POU2F1: variants seen among roughly 807,000 people sequenced by gnomAD.
POU2F1 encodes the protein POU class 2 homeobox 1, also known as POU domain, class 2, transcription factor 1.
A neutral mutation model predicts 84.9 loss-of-function variants in POU2F1; 16 were observed. The ratio of observed to expected loss-of-function variants is 0.19; its 90% CI spans 0.13 to 0.29. The LOEUF is 0.29. Among genes scored for constraint, POU2F1 ranks in the 10% least tolerant of loss-of-function variants. The probability of loss-of-function intolerance (pLI) is 1.00; values close to 1 mark genes in which losing one functional copy is unlikely to be tolerated. For missense variants in POU2F1, 738 were observed against 942.6 expected, an observed-to-expected ratio of 0.78 and a Z score of 2.84; for synonymous variants, 368 against 368.3, an observed-to-expected ratio of 1.00 and a Z score of 0.01.
chr1:167,370,361 A>G, intron 4 of POU2F1, 147 bp downstream of exon 4: 2 of 661,216 alleles, frequency 3.0e-6, no homozygotes, highest in Non-Finnish European at 4.7e-6. Context: ...AAATAATGAT[A>G]ATTATTACCA....
At chr1:167,324,674 G>A (rs979289911) in intron 1 of POU2F1, among the ~76,000 whole-genome samples, 12 of 151,914 alleles carry the variant, frequency 7.9e-5, no homozygotes, top group African/African-American at 2.2e-4. Context: ...ACCATACCTC[G>A]GCTCTCTGTT....
intron 2 of POU2F1, chr1:167,338,267 A>G (rs1265487903): frequency 4.4e-6 from 2 of 458,170 alleles, no homozygotes; most frequent in South Asian, 3.1e-5. Context: ...TAGTAAATAT[A>G]TTTTCTCTCA....
At chr1:167,383,220 CCTGT>C (rs528452182) in intron 7 of POU2F1, among the ~76,000 whole-genome samples, 21 of 152,086 alleles carry the variant, frequency 1.4e-4, no homozygotes, top group African/African-American at 3.1e-4. Context: ...CTGGGTTGGT[CCTGT>C]CTATCAGTTT....
chr1:167,396,877 G>T (rs1238775556), intron 10 of POU2F1: 1 of 153,492 alleles, frequency 6.5e-6, no homozygotes, highest in Admixed American at 6.5e-5. Flanking sequence ...TACTAGCTTT[G>T]TCTTACGTTT....
intron 6 of POU2F1, among the ~76,000 whole-genome samples, chr1:167,375,381 C>G (rs1255143187): frequency 1.3e-5 from 2 of 152,114 alleles, no homozygotes; most frequent in Non-Finnish European, 2.9e-5. Context: ...GCTGTGAGAC[C>G]CTATATTAAC....
chr1:167,393,471 A>AT (rs1430752782), intron 9 of POU2F1, among the ~76,000 whole-genome samples: 1 of 152,014 alleles, frequency 6.6e-6, no homozygotes, highest in Non-Finnish European at 1.5e-5. Context: ...TACTGTCATG[A>AT]TTTTTTAATA....
chr1:167,348,147 A>G (rs536129822), intron 2 of POU2F1, among the ~76,000 whole-genome samples: 1 of 152,366 alleles, frequency 6.6e-6, no homozygotes, highest in East Asian at 1.9e-4. Context: ...AGCCTATGAC[A>G]TACCTAAACT....
At chr1:167,221,603 G>T (rs1334317958) in intron 1 of POU2F1, among the ~76,000 whole-genome samples, 2 of 150,466 alleles carry the variant, frequency 1.3e-5, no homozygotes, top group Non-Finnish European at 3.0e-5. Context: ...AGGGCAACCG[G>T]GGGTGCGCGC....
intron 1 of POU2F1, among the ~76,000 whole-genome samples, chr1:167,279,476 G>C (rs1312036961): frequency 1.3e-5 from 2 of 152,208 alleles, no homozygotes; most frequent in Admixed American, 1.3e-4. Context: ...ATATGAGCTT[G>C]AGTAATATTT....
At chr1:167,243,984 C>T (rs1650116371) in intron 1 of POU2F1, among the ~76,000 whole-genome samples, 1 of 152,144 alleles carries the variant, frequency 6.6e-6, no homozygotes, top group African/African-American at 2.4e-5. Flanking sequence ...CGAGAGTAGA[C>T]TGTGCTGTGT....
chr1:167,383,562 A>G (rs1241766249), intron 7 of POU2F1: 1 of 191,726 alleles, frequency 5.2e-6, no homozygotes, highest in Non-Finnish European at 1.1e-5. Flanking sequence ...TCTATTTAGA[A>G]TAGTTTTTTA....
At position 167,411,903 on chromosome 1, in the gene POU2F1, C is replaced by T. The variant is rs1649989248; in HGVS notation, c.1556-56C>T. The T allele has an allele frequency of 6.0e-6, 9 of 1,501,628 alleles. No individual in the cohort carries two copies. In the East Asian group the frequency reaches 2.1e-4, roughly 34 times the overall value. 93.0% of individuals were successfully genotyped at this position (1,501,628 alleles called of 1,614,324 possible). A position where few individuals can be genotyped will look rare whatever the true frequency, so the allele number is the denominator to read the frequency against. ...TATAGAGTTTGGCTGAGTAAAGCCACCATTCTTCCAAAACCATTTACAAAA... is the reference window on the plus strand; with the variant it reads ...TATAGAGTTTGGCTGAGTAAAGCCATCATTCTTCCAAAACCATTTACAAAA... On this transcript the variant is annotated intron_variant, in intron 13 of 15. Transcript: ENST00000367866.
chr1:167,412,918 ACCT>A lies in POU2F1; in HGVS notation c.1902-107_1902-105del, dbSNP rs1035914932. 47 of 816,092 alleles carry A rather than the reference ACCT, an allele frequency of 5.8e-5. No homozygotes were observed. In the Middle Eastern group the frequency reaches 1.3e-3, roughly 23 times the overall value. The allele number at this position is 816,092 out of a possible 1,614,324, so 50.6% of individuals were successfully genotyped here. On this transcript the variant is annotated intron_variant, in intron 14 of 15. Coordinates refer to ENST00000367866, the MANE Select transcript of POU2F1 (RefSeq NM_002697.4). ...AGAGTAAAGAAAAATAAATATTTCC[ACCT>A]ATTTCCCCAGCTGGATTTTCGTTTT...
At chr1:167,378,606 A>G (rs1007165922) in intron 7 of POU2F1, among the ~76,000 whole-genome samples, 14 of 150,234 alleles carry the variant, frequency 9.3e-5, no homozygotes, top group Non-Finnish European at 1.6e-4. Context: ...AGGTTTCACT[A>G]TGTTGGCCAG....
At chr1:167,255,818 T>C (rs752200686) in intron 1 of POU2F1, among the ~76,000 whole-genome samples, 1 of 152,188 alleles carries the variant, frequency 6.6e-6, no homozygotes, top group Non-Finnish European at 1.5e-5. Context: ...ATATGGTTGA[T>C]GTGCCAAACA....
intron 1 of POU2F1, among the ~76,000 whole-genome samples, chr1:167,263,026 A>C (rs144876193): frequency 2.0e-5 from 3 of 152,218 alleles, no homozygotes; most frequent in Admixed American, 1.3e-4. Flanking sequence ...TCTGAGCCAT[A>C]CTTTTGGAAG....
intron 2 of POU2F1, among the ~76,000 whole-genome samples, chr1:167,348,336 A>C (rs1185326162): frequency 6.6e-6 from 1 of 152,186 alleles, no homozygotes; most frequent in African/African-American, 2.4e-5. Context: ...ATGGTACGTG[A>C]CTGTATGTCT....
chr1:167,421,542 G>A lies in POU2F1; in HGVS notation c.*5732G>A, dbSNP rs1225717006. On this transcript the variant is annotated 3_prime_UTR_variant, in exon 16 of 16. Coordinates refer to ENST00000367866, the MANE Select transcript of POU2F1 (RefSeq NM_002697.4). ...TTCTTCTAACCTTATTCATTAAGTA[G>A]TTCCTTGTTTTGGCCCTTCTACTCT... 6.6e-6 allele frequency: 1 copy of A among 152,156 alleles called. No homozygotes were observed. The highest frequency in any genetic ancestry group is 1.5e-5 in the Non-Finnish European group (1 of 68,022). The allele number at this position is 152,156 out of a possible 1,614,324, so 9.4% of individuals were successfully genotyped here. A position where few individuals can be genotyped will look rare whatever the true frequency, so the allele number is the denominator to read the frequency against.
chr1:167,406,916 T>G (rs1390668206), intron 13 of POU2F1, among the ~76,000 whole-genome samples: 1 of 152,044 alleles, frequency 6.6e-6, no homozygotes, highest in East Asian at 1.9e-4. Flanking sequence ...GACTAAGCAT[T>G]CTTAAGATGA....
Sources: allele counts gnomAD v4.1 joint callset (sites outside exome capture counted in the v4.1 genomes callset), GRCh38; gene constraint gnomAD v4.1.1; transcripts MANE v1.5; gene names NCBI Gene and HGNC (gene_info 2026-07-23, HGNC 2026-07-21).